The following TBC1D23 variants were observed in gnomAD, a reference collection of about 807,000 sequenced individuals.
TBC1D23 encodes TBC1 domain family member 23, also known as HCV non-structural protein 4A-transactivated protein 1.
In TBC1D23, 55 loss-of-function variants were observed where a neutral mutation model predicts 91.4. The observed-to-expected ratio is 0.60, with a 90% CI of 0.48 to 0.75. The LOEUF is 0.75. TBC1D23 is among the 30% of genes least tolerant of loss of function. The pLI is 0.00. For missense variants in TBC1D23, 725 were observed against 836.1 expected (o/e 0.87, Z 1.64); for synonymous variants, 289 against 281.0 (o/e 1.03, Z -0.28).
rs3772699 is a variant in TBC1D23 at position 100,282,909 on chromosome 3, T to C, written c.272-698T>C. Among the ~76,000 whole-genome samples the C allele has an allele frequency of 6.7e-3, 1,023 of 152,338 alleles. 63 individuals carry two copies. The East Asian group carries it at 0.15, about 23-fold the overall frequency. Reference sequence around the variant, plus strand: ...AGATTGGCCATTCTTATGTTTGACATATATATAGATCAGGTATTACTAAGT... The same window carrying C: ...AGATTGGCCATTCTTATGTTTGACACATATATAGATCAGGTATTACTAAGT... On this transcript the variant is annotated intron_variant, in intron 3 of 18. Transcript: ENST00000394144.
rs547393662 is a variant in TBC1D23 at position 100,295,221 on chromosome 3, T to C, written c.725+10T>C. 5.0e-6 allele frequency: 8 copies of C among 1,595,958 alleles called. No individual in the cohort carries two copies. The South Asian group carries it at 5.7e-5, about 11-fold the overall frequency. ...TCCTTGTTAATGCAAAGTAAGTATC[T>C]GGTTGGTTAGATTTTTTTTCCTCTT... On this transcript the variant is annotated intron_variant, in intron 6 of 18. Coordinates refer to ENST00000394144, the MANE Select transcript of TBC1D23 (RefSeq NM_001199198.3).
intron 15 of TBC1D23, among the ~76,000 whole-genome samples, chr3:100,314,812 A>G (rs565599628): frequency 1.3e-5 from 2 of 152,244 alleles, no homozygotes; most frequent in South Asian, 4.1e-4. Context: ...AACTAAAGGC[A>G]TGTAACTTGA....
chr3:100,293,436 G>C (rs897766201), intron 5 of TBC1D23, among the ~76,000 whole-genome samples: 2 of 152,104 alleles, frequency 1.3e-5, no homozygotes, highest in Admixed American at 1.3e-4. Flanking sequence ...CCTGGCCTCA[G>C]ATAGTTTACT....
At chr3:100,261,292 A>G (rs556542702) in intron 1 of TBC1D23, 7 of 580,294 alleles carry the variant, frequency 1.2e-5, no homozygotes, top group South Asian at 8.1e-5. Context: ...GGTGTCATCC[A>G]GGTGCTGGGC....
chr3:100,263,232 TTGAGCCAGGA>T (rs568806675), intron 1 of TBC1D23, among the ~76,000 whole-genome samples: 5 of 152,342 alleles, frequency 3.3e-5, no homozygotes, highest in South Asian at 2.1e-4. Context: ...GGGGAGCTTT[TTGAGCCAGGA>T]TGAGCCAGGA....
At chr3:100,293,102 ATAGTTTGT>A (rs1553728677) in intron 5 of TBC1D23, among the ~76,000 whole-genome samples, 1 of 114,266 alleles carries the variant, frequency 8.8e-6, no homozygotes, top group African/African-American at 4.4e-5. Context: ...GATATGCCAG[ATAGTTTGT>A]TTGTTTGTTT....
intron 5 of TBC1D23, among the ~76,000 whole-genome samples, chr3:100,291,740 A>G (rs2067792075): frequency 6.6e-6 from 1 of 151,328 alleles, no homozygotes; most frequent in Admixed American, 6.6e-5. Context: ...GTTTTTGCAA[A>G]TCTCATTAAT....
chr3:100,266,535 T>C (rs1038497807), intron 1 of TBC1D23, among the ~76,000 whole-genome samples: 2 of 152,202 alleles, frequency 1.3e-5, no homozygotes, highest in African/African-American at 2.4e-5. Context: ...TACCACAGTG[T>C]TGGGACTACA....
intron 1 of TBC1D23, chr3:100,267,153 A>G (rs2067564049): frequency 2.7e-6 from 1 of 375,868 alleles, no homozygotes; most frequent in Non-Finnish European, 5.3e-6. Flanking sequence ...TGTTTTGGAA[A>G]TTACAGGCTC....
At position 100,313,733 on chromosome 3, in the gene TBC1D23, C is replaced by T. The variant is rs115525478; in HGVS notation, c.1598+1856C>T. Reference sequence around the variant, plus strand: ...TTAATATTAGGAGAAAACTTATAATCTAATCTATATAAAATTTTACAATCT... The same window carrying T: ...TTAATATTAGGAGAAAACTTATAATTTAATCTATATAAAATTTTACAATCT... On this transcript the variant is annotated intron_variant, in intron 15 of 18. Coordinates refer to ENST00000394144, the MANE Select transcript of TBC1D23 (RefSeq NM_001199198.3). Among the ~76,000 whole-genome samples, 1,095 of 152,186 alleles carry T rather than the reference C, an allele frequency of 7.2e-3. 12 individuals are homozygous for T. The highest frequency in any genetic ancestry group is 0.025 in the African/African-American group (1,053 of 41,528).
In TBC1D23 at chr3:100,324,931, T is replaced by G. The variant is rs1705924524; in HGVS notation, c.*1263T>G. Reference sequence around the variant, plus strand: ...TTAACAGCCAGTCATTTTGATTTACTTATGGAAATCAAGTGAATAAAAGGC... The same window carrying G: ...TTAACAGCCAGTCATTTTGATTTACGTATGGAAATCAAGTGAATAAAAGGC... On this transcript the variant is annotated 3_prime_UTR_variant, in exon 19 of 19. Coordinates refer to ENST00000394144, the MANE Select transcript of TBC1D23 (RefSeq NM_001199198.3). 3.3e-5 allele frequency: 5 copies of G among 152,218 alleles called. 1 individual carries two copies. The highest frequency in any genetic ancestry group is 3.3e-4 in the Admixed American group (5 of 15,280). The allele number at this position is 152,218 out of a possible 1,614,324, so 9.4% of individuals were successfully genotyped here. A position where few individuals can be genotyped will look rare whatever the true frequency, so the allele number is the denominator to read the frequency against.
rs1705645272 is a variant in TBC1D23 at position 100,312,646 on chromosome 3, G to A, written c.1598+769G>A. 3.3e-5 allele frequency among the ~76,000 whole-genome samples: 5 copies of A among 151,776 alleles called. No homozygotes were observed. In the South Asian group the frequency reaches 8.3e-4, roughly 25 times the overall value. ...GTTCTTATACTCACAGAATTTTTCA[G>A]CAATTTAATTTAGAATATCAATTAC... On this transcript the variant is annotated intron_variant, in intron 15 of 18. Coordinates refer to ENST00000394144, the MANE Select transcript of TBC1D23 (RefSeq NM_001199198.3).
chr3:100,321,197 T>C lies in TBC1D23; in HGVS notation c.2018+226T>C, dbSNP rs183556261. ...GCCATAGCTAATTTCATAAAGTTTC[T>C]GACCCAAGGATCCTTATTGTTAATC... On this transcript the variant is annotated intron_variant, in intron 18 of 18. Transcript: ENST00000394144. Among the ~76,000 whole-genome samples, 765 of 152,370 alleles carry C rather than the reference T, an allele frequency of 5.0e-3. 3 individuals are homozygous for C. The highest frequency in any genetic ancestry group is 8.5e-3 in the Non-Finnish European group (581 of 68,038).
At chr3:100,292,774 A>AT (rs1191882607) in intron 5 of TBC1D23, among the ~76,000 whole-genome samples, 3 of 151,410 alleles carry the variant, frequency 2.0e-5, no homozygotes, top group Non-Finnish European at 2.9e-5. Flanking sequence ...TAATGTTTTA[A>AT]TTTTTTTGTA....
chr3:100,277,051 A>G (rs1415768996), intron 1 of TBC1D23, among the ~76,000 whole-genome samples: 1 of 152,228 alleles, frequency 6.6e-6, no homozygotes, highest in Non-Finnish European at 1.5e-5. Context: ...ATCAAAGAAG[A>G]CTGAACAAAA....
intron 2 of TBC1D23, 115 bp from the exon 3 acceptor site, chr3:100,281,627 C>A (rs2067695479): frequency 3.1e-6 from 2 of 643,850 alleles, no homozygotes; most frequent in Admixed American, 2.6e-5. Flanking sequence ...GTATGGATAC[C>A]TTAATTGTAA....
intron 1 of TBC1D23, among the ~76,000 whole-genome samples, chr3:100,278,947 A>G (rs2067673009): frequency 6.6e-6 from 1 of 152,154 alleles, no homozygotes; most frequent in Non-Finnish European, 1.5e-5. Flanking sequence ...TAGGCATGAT[A>G]CTGATGTAGT....
intron 1 of TBC1D23, among the ~76,000 whole-genome samples, chr3:100,266,054 G>A (rs2067555282): frequency 6.6e-6 from 1 of 152,122 alleles, no homozygotes; most frequent in Non-Finnish European, 1.5e-5. Context: ...GTCTAAGAAG[G>A]ACATTGTCTA....
chr3:100,312,911 T>C (rs1351270104), intron 15 of TBC1D23, among the ~76,000 whole-genome samples: 1 of 152,012 alleles, frequency 6.6e-6, no homozygotes, highest in Non-Finnish European at 1.5e-5. Context: ...CCCAGCACTT[T>C]GGGAGTTGGA....
Sources: gnomAD v4.1 joint callset for allele counts (sites outside exome capture counted in the v4.1 genomes callset) on GRCh38, gnomAD v4.1.1 for gene constraint, MANE v1.5 for transcripts, NCBI Gene and HGNC (gene_info 2026-07-23, HGNC 2026-07-21) for gene names.